GTF2I: variants seen among roughly 807,000 people sequenced by gnomAD.
The protein encoded by GTF2I is general transcription factor IIi, also known as general transcription factor II-I.
Under a neutral mutation model 67.6 loss-of-function variants are expected in GTF2I, and 12 were observed. The observed-to-expected ratio is 0.18, with a 90% CI of 0.11 to 0.29. The LOEUF is 0.29. Ranked by LOEUF, GTF2I falls within the 10% of genes least tolerant of loss-of-function variation. The pLI, the probability that GTF2I is intolerant of heterozygous loss-of-function variation, is 1.00. For synonymous variants in GTF2I, 149 were observed against 197.0 expected, an observed-to-expected ratio of 0.76 and a Z score of 2.04; for missense variants, 271 against 580.1, an observed-to-expected ratio of 0.47 and a Z score of 5.47.
chr7:74,718,802 TC>T, intron 11 of GTF2I, 76 bp from the exon 12 acceptor site: 1 of 709,210 alleles, frequency 1.4e-6, no homozygotes, highest in South Asian at 1.8e-5. Context: ...TTTTGGAGTA[TC>T]AAATCAGTAA....
chr7:74,662,150 C>T (rs988557154), intron 1 of GTF2I, among the ~76,000 whole-genome samples: 4 of 141,230 alleles, frequency 2.8e-5, no homozygotes, highest in Admixed American at 7.2e-5. Flanking sequence ...GTTCTTTTTG[C>T]GGGACGGGGT....
intron 6 of GTF2I, among the ~76,000 whole-genome samples, chr7:74,702,867 G>C (rs1253897669): frequency 6.6e-6 from 1 of 151,720 alleles, no homozygotes; most frequent in Non-Finnish European, 1.5e-5. Context: ...TCAGTAGCTA[G>C]GACTACAGGC....
intron 1 of GTF2I, among the ~76,000 whole-genome samples, chr7:74,674,069 CTTTT>C (rs35948360): frequency 5.3e-5 from 7 of 132,472 alleles, no homozygotes; most frequent in Admixed American, 8.1e-5. Context: ...TGATCTATGA[CTTTT>C]TTTTTTTTTT....
chr7:74,679,471 A>G (rs1554393438), intron 1 of GTF2I, among the ~76,000 whole-genome samples: 1 of 152,128 alleles, frequency 6.6e-6, no homozygotes, highest in East Asian at 1.9e-4. Context: ...TTTGCTTTCT[A>G]ATGAAAAGGA....
At chr7:74,681,450 G>T (rs1297664058) in intron 1 of GTF2I, among the ~76,000 whole-genome samples, 4 of 150,586 alleles carry the variant, frequency 2.7e-5, no homozygotes, top group Non-Finnish European at 5.9e-5. Flanking sequence ...TAAAAAAAAA[G>T]AAAAAAAGAA....
At chr7:74,718,104 C>T (rs1039040604) in intron 11 of GTF2I, among the ~76,000 whole-genome samples, 4 of 152,194 alleles carry the variant, frequency 2.6e-5, no homozygotes, top group Admixed American at 1.3e-4. Context: ...CTTGCAGCCC[C>T]GCCGGCAGGT....
At chr7:74,671,497 G>T (rs1199728053) in intron 1 of GTF2I, among the ~76,000 whole-genome samples, 1 of 150,092 alleles carries the variant, frequency 6.7e-6, no homozygotes, top group African/African-American at 2.4e-5. Context: ...TCTTTAATGG[G>T]GTCACCATAC....
chr7:74,661,559 G>A (rs1554386582), intron 1 of GTF2I, among the ~76,000 whole-genome samples: 5 of 151,960 alleles, frequency 3.3e-5, no homozygotes. Flanking sequence ...TGCGTACGTA[G>A]TTTCAGCTAC....
intron 10 of GTF2I, among the ~76,000 whole-genome samples, chr7:74,716,053 C>A (rs186898811): frequency 3.8e-4 from 58 of 152,150 alleles, no homozygotes; most frequent in African/African-American, 1.3e-3. Flanking sequence ...TGTATTCTTA[C>A]TAATAGGTAA....
chr7:74,673,862 G>A (rs965649927), intron 1 of GTF2I, among the ~76,000 whole-genome samples: 2 of 151,492 alleles, frequency 1.3e-5, no homozygotes, highest in African/African-American at 4.9e-5. Flanking sequence ...TGTAGTTTTA[G>A]TAGAGACAGG....
chr7:74,677,828 T>C (rs1201037215), intron 1 of GTF2I, among the ~76,000 whole-genome samples: 9 of 146,464 alleles, frequency 6.1e-5, no homozygotes, highest in Admixed American at 4.8e-4. Flanking sequence ...TTTCCTCTTA[T>C]ACAAAAGATA....
chr7:74,692,700 C>CA lies in GTF2I; in HGVS notation c.238+1596dup, dbSNP rs1458365829. Among the ~76,000 whole-genome samples, 7 of 152,006 alleles carry CA rather than the reference C, an allele frequency of 4.6e-5. No individual in the cohort carries two copies. The East Asian group carries it at 1.4e-3, about 29-fold the overall frequency. ...TTTTCTTAAAAACATGGAAAGGGAACAAAAAAAGCTAGGGTATCTATAGGC... is the reference window on the plus strand; with the variant it reads ...TTTTCTTAAAAACATGGAAAGGGAACAAAAAAAAGCTAGGGTATCTATAGGC... On this transcript the variant is annotated intron_variant, in intron 3 of 34. Transcript: ENST00000573035.
chr7:74,669,862 G>A (rs1554390014), intron 1 of GTF2I, among the ~76,000 whole-genome samples: 2 of 152,222 alleles, frequency 1.3e-5, no homozygotes, highest in East Asian at 1.9e-4. Flanking sequence ...ATTTTAAAAC[G>A]ATCTTTGAGG....
At chr7:74,681,088 G>A (rs2131257764) in intron 1 of GTF2I, among the ~76,000 whole-genome samples, 1 of 152,186 alleles carries the variant, frequency 6.6e-6, no homozygotes, top group South Asian at 2.1e-4. Flanking sequence ...ATCAAATCAG[G>A]GAAACGAAAG....
intron 1 of GTF2I, among the ~76,000 whole-genome samples, chr7:74,674,072 T>C (rs1348044699): frequency 2.0e-5 from 2 of 101,462 alleles, no homozygotes; most frequent in East Asian, 2.2e-4. Context: ...TCTATGACTT[T>C]TTTTTTTTTT....
chr7:74,701,379 C>T (rs1554399841), intron 6 of GTF2I, among the ~76,000 whole-genome samples: 1 of 152,080 alleles, frequency 6.6e-6, no homozygotes, highest in Non-Finnish European at 1.5e-5. Context: ...TTCTGTTAAC[C>T]TTTGTCTTAT....
At chr7:74,714,791 C>A in intron 9 of GTF2I, 66 bp from the exon 10 acceptor site, 1 of 1,077,026 alleles carries the variant, frequency 9.3e-7, no homozygotes, top group South Asian at 1.6e-5. Context: ...AATTTGTTGA[C>A]TAAAGTCACC....
Position 74,711,003 on chromosome 7 carries a change from C to A in GTF2I, c.686-29C>A, listed in dbSNP as rs782726526. 47 of 1,169,990 alleles carry A rather than the reference C, an allele frequency of 4.0e-5. No homozygotes were observed. In the Admixed American group the frequency reaches 9.3e-4, roughly 23 times the overall value. 72.5% of individuals were successfully genotyped at this position (1,169,990 alleles called of 1,614,324 possible). A position where few individuals can be genotyped will look rare whatever the true frequency, so the allele number is the denominator to read the frequency against. ...CAATCTAGCTGAAAGTTCTCACATG[C>A]AATCATATCATTGCATTTGCTTTTC... On this transcript the variant is annotated intron_variant, in intron 8 of 34. Transcript: ENST00000573035.
intron 1 of GTF2I, among the ~76,000 whole-genome samples, chr7:74,670,504 C>T (rs1329743604): frequency 1.3e-5 from 2 of 152,024 alleles, no homozygotes; most frequent in African/African-American, 4.8e-5. Flanking sequence ...TGAGACCATC[C>T]TGGCCAACAT....
Sources: allele counts gnomAD v4.1 joint callset (sites outside exome capture counted in the v4.1 genomes callset), GRCh38; gene constraint gnomAD v4.1.1; transcripts MANE v1.5; gene names NCBI Gene and HGNC (gene_info 2026-07-23, HGNC 2026-07-21).